FGR: variants seen among roughly 807,000 people sequenced by gnomAD.
FGR encodes FGR proto-oncogene, Src family tyrosine kinase.
Under a neutral mutation model 63.2 loss-of-function variants are expected in FGR, and 26 were observed. That is an observed-to-expected ratio of 0.41 (90% CI 0.30 to 0.57). FGR has a LOEUF of 0.57. FGR is among the 20% of genes least tolerant of loss of function. FGR has a pLI of 0.27. For missense variants in FGR, 511 were observed against 690.8 expected, an observed-to-expected ratio of 0.74 and a Z score of 2.92; for synonymous variants, 286 against 277.7, an observed-to-expected ratio of 1.03 and a Z score of -0.30.
rs1260900691 is a variant in FGR, at chr1:27,613,334, G to C, written c.1266C>G (p.Ile422Met). The C allele has an allele frequency of 1.2e-6, 2 of 1,614,048 alleles. No individual in the cohort carries two copies. The highest frequency in any genetic ancestry group is 2.2e-5 in the South Asian group (2 of 91,082). ...GGGCAGCTTCTGGGGCTGTCCACTT[G>C]ATGGGGAACTTGGAACCTGGAGAAG... ...YNPCQGSKFP[I>M]KWTAPEAALF... is the part of the protein sequence containing the mutation. The change falls in exon 12 of 13, where the codon ATC (isoleucine) becomes ATG (methionine). Residue 422 changes from isoleucine to methionine, a missense_variant. By Grantham distance (10) the Ile-to-Met change is conservative. Transcript: ENST00000374005.
chr1:27,630,910 G>A (rs1321484877), intron 1 of FGR, among the ~76,000 whole-genome samples: 1 of 152,126 alleles, frequency 6.6e-6, no homozygotes, highest in Non-Finnish European at 1.5e-5. Context: ...CCATTCTTCA[G>A]TAGCTCTATG....
intron 1 of FGR, among the ~76,000 whole-genome samples, chr1:27,634,823 C>A (rs528303014): frequency 6.6e-6 from 1 of 151,962 alleles, no homozygotes; most frequent in African/African-American, 2.4e-5. Context: ...TCCCTTTGGT[C>A]GGCTTCCCCC....
intron 3 of FGR, 147 bp downstream of exon 3, chr1:27,623,544 G>A: frequency 1.2e-6 from 1 of 816,456 alleles, no homozygotes; most frequent in South Asian, 1.5e-5. Flanking sequence ...GGGCTGTACA[G>A]ACTCCCTCAG....
At chr1:27,623,412 G>T (rs765191069) in intron 3 of FGR, 16 of 596,506 alleles carry the variant, frequency 2.7e-5, no homozygotes, top group Admixed American at 5.9e-5. Flanking sequence ...CATCTGGGAA[G>T]TGGCACCTAA....
At position 27,617,956 on chromosome 1, in the gene FGR, C is replaced by T. The variant is rs1361795455; in HGVS notation, c.429-660G>A. 6.6e-6 allele frequency among the ~76,000 whole-genome samples: 1 copy of T among 152,232 alleles called. No individual in the cohort carries two copies. Among genetic ancestry groups the T allele is most frequent in the South Asian group, 2.1e-4 (1 of 4,834 alleles). On this transcript the variant is annotated intron_variant, in intron 5 of 12. Coordinates refer to ENST00000374005, the MANE Select transcript of FGR (RefSeq NM_005248.3). The surrounding 1 kb of genome is among the most constrained non-coding windows in gnomAD (Gnocchi z 4.5). ...TCTGGGATTGAACCGTAGCCCTAAA[C>T]CAACTGTGCAGGTACAATGGGGGAG... is the stretch of plus-strand genomic sequence containing the variant.
chr1:27,634,710 C>G lies in FGR; in HGVS notation c.-77+355G>C, dbSNP rs541428677. ...CTCACGATCCCTTCAGTTTCTCCCC[C>G]AGACCGTCCTGGGGATTCCCCTTAA... On this transcript the variant is annotated intron_variant, in intron 1 of 12. Transcript: ENST00000374005. Among the ~76,000 whole-genome samples the G allele has an allele frequency of 3.3e-5, 5 of 152,174 alleles. No homozygotes were observed. The South Asian group carries it at 1.0e-3, about 32-fold the overall frequency.
intron 2 of FGR, among the ~76,000 whole-genome samples, chr1:27,624,459 A>G (rs1426824482): frequency 1.3e-5 from 2 of 152,018 alleles, no homozygotes; most frequent in African/African-American, 4.8e-5. Context: ...GTTGGGTCCT[A>G]TTGCTTTGAT....
Position 27,614,907 on chromosome 1 carries a change from G to C in FGR, c.1038C>G (p.Leu346=), listed in dbSNP as rs375607314. ...TCAAATCCTGGCCCTCTGGGTTCTT[G>C]AGAAAATCCAGCAAGCTGCCTGGGA... ...FMCHGSLLDF[L]KNPEGQDLRL... The change falls in exon 10 of 13, where the codon CTC becomes CTG. Residue 346 remains leucine (L), a synonymous_variant. Coordinates refer to ENST00000374005, the MANE Select transcript of FGR (RefSeq NM_005248.3). The C allele has an allele frequency of 1.3e-6, 2 of 1,599,208 alleles. No individual in the cohort carries two copies. Among genetic ancestry groups the C allele is most frequent in the African/African-American group, 2.7e-5 (2 of 74,572 alleles).
intron 4 of FGR, 107 bp from the exon 5 acceptor site, chr1:27,621,764 C>T: frequency 2.6e-6 from 2 of 772,236 alleles, no homozygotes; most frequent in South Asian, 1.4e-5. Context: ...GCCAAACCCT[C>T]ATCTTGGACA....
At position 27,617,721 on chromosome 1, in the gene FGR, A is replaced by T. The variant is rs1327415566; in HGVS notation, c.429-425T>A. Among the ~76,000 whole-genome samples the T allele has an allele frequency of 1.3e-5, 2 of 152,116 alleles. No individual in the cohort carries two copies. Among genetic ancestry groups the T allele is most frequent in the African/African-American group, 2.4e-5 (1 of 41,408 alleles). Reference sequence around the variant, plus strand: ...TCCCTAGTTCTTTTTTCACCACTCCAGTAATCAGATCACTCAGATCCTTCT... The same window carrying T: ...TCCCTAGTTCTTTTTTCACCACTCCTGTAATCAGATCACTCAGATCCTTCT... On this transcript the variant is annotated intron_variant, in intron 5 of 12. Coordinates refer to ENST00000374005, the MANE Select transcript of FGR (RefSeq NM_005248.3). The surrounding 1 kb of genome is among the most constrained non-coding windows in gnomAD (Gnocchi z 4.5).
At chr1:27,634,913 G>A (rs1026053312) in intron 1 of FGR, among the ~76,000 whole-genome samples, 152 bp downstream of exon 1, 1 of 152,102 alleles carries the variant, frequency 6.6e-6, no homozygotes, top group Non-Finnish European at 1.5e-5. Flanking sequence ...GCCTTTTCGG[G>A]CTGGGGTCCC....
intron 1 of FGR, among the ~76,000 whole-genome samples, chr1:27,628,146 C>G (rs2090050888): frequency 1.3e-5 from 2 of 150,826 alleles, no homozygotes; most frequent in South Asian, 4.2e-4. Flanking sequence ...TGCACTCCAG[C>G]CTGAGTGACA....
At chr1:27,635,016 G>T (rs148566966) in intron 1 of FGR, 49 bp downstream of exon 1, 130 of 152,424 alleles carry the variant, frequency 8.5e-4, no homozygotes, top group African/African-American at 3.1e-3. Flanking sequence ...GCCTCGAGGG[G>T]GAGGGCACTG....
In FGR at chr1:27,616,343, C is replaced by G. The variant is rs1416381698; in HGVS notation, c.683-499G>C. ...CCAGCTTCAGAATCGTCTGCTTCATCTTTACTCCACTGCCACCGATTTAGT... is the reference window on the plus strand; with the variant it reads ...CCAGCTTCAGAATCGTCTGCTTCATGTTTACTCCACTGCCACCGATTTAGT... On this transcript the variant is annotated intron_variant, in intron 7 of 12. Transcript: ENST00000374005. The surrounding 1 kb of genome is among the most constrained non-coding windows in gnomAD (Gnocchi z 4.3). Among the ~76,000 whole-genome samples, 2 of 152,238 alleles carry G rather than the reference C, an allele frequency of 1.3e-5. No individual in the cohort carries two copies. The highest frequency in any genetic ancestry group is 4.8e-5 in the African/African-American group (2 of 41,462).
intron 4 of FGR, 70 bp from the exon 5 acceptor site, chr1:27,621,727 C>T: frequency 1.8e-6 from 2 of 1,088,318 alleles, no homozygotes; most frequent in Non-Finnish European, 2.8e-6. Context: ...CCAGGTGGAG[C>T]CACACAGGTC....
chr1:27,628,852 C>T (rs2090063682), intron 1 of FGR, among the ~76,000 whole-genome samples: 1 of 152,198 alleles, frequency 6.6e-6, no homozygotes, highest in African/African-American at 2.4e-5. Context: ...GTAGGCAGCT[C>T]TTGGGTCTTA....
chr1:27,621,518 G>T, intron 5 of FGR, 41 bp downstream of exon 5: 2 of 1,478,726 alleles, frequency 1.4e-6, no homozygotes, highest in African/African-American at 1.4e-5. Context: ...GGACTCCAGG[G>T]TCCTGTCCAT....
chr1:27,613,419 G>C (rs766157643), intron 11 of FGR, 69 bp from the exon 12 acceptor site: 2 of 1,563,448 alleles, frequency 1.3e-6, no homozygotes, highest in South Asian at 1.2e-5. Flanking sequence ...TAAGAGAATG[G>C]GGTCTGGGCG....
At position 27,612,603 on chromosome 1, in the gene FGR, A is replaced by G; in HGVS notation, c.*311T>C. ...AAGTGAGGGAGGTACATACAGTTTT[A>G]TAAATAACTAGACAAGGTCTGAGCA... On this transcript the variant is annotated 3_prime_UTR_variant, in exon 13 of 13. Coordinates refer to ENST00000374005, the MANE Select transcript of FGR (RefSeq NM_005248.3). 1 of 319,256 alleles carries G rather than the reference A, an allele frequency of 3.1e-6. No homozygotes were observed. The highest frequency in any genetic ancestry group is 5.2e-5 in the South Asian group (1 of 19,140). The allele number at this position is 319,256 out of a possible 1,614,324, so 19.8% of individuals were successfully genotyped here.
Sources: allele counts gnomAD v4.1 joint callset (sites outside exome capture counted in the v4.1 genomes callset), GRCh38; gene constraint gnomAD v4.1.1; non-coding constraint Gnocchi (gnomAD v3.1); transcripts MANE v1.5; gene names NCBI Gene and HGNC (gene_info 2026-07-23, HGNC 2026-07-21).